EFCAB12: variants seen among roughly 807,000 people sequenced by gnomAD.
EFCAB12 encodes EF-hand calcium binding domain 12, also known as EF-hand calcium-binding domain-containing protein 12.
EFCAB12 carries 43 observed loss-of-function variants against 53.6 expected under a neutral mutation model. The ratio of observed to expected loss-of-function variants is 0.80; its 90% CI spans 0.63 to 1.03. The LOEUF (loss-of-function observed/expected upper bound fraction) is 1.03. Among genes scored for constraint, EFCAB12 ranks in the 50% least tolerant of loss-of-function variants. EFCAB12 has a pLI of 0.00. For missense variants in EFCAB12, 646 were observed against 730.6 expected, an observed-to-expected ratio of 0.88 and a Z score of 1.34; for synonymous variants, 269 against 289.2, an observed-to-expected ratio of 0.93 and a Z score of 0.71.
Position 129,418,345 on chromosome 3 carries a change from C to T in EFCAB12, c.590G>A (p.Arg197His), listed in dbSNP as rs62266958. 0.06 allele frequency: 97,507 copies of T among 1,613,530 alleles called. 3,462 individuals carry two copies. Among genetic ancestry groups the T allele is most frequent in the Non-Finnish European group, 0.07 (82,152 of 1,179,594 alleles). The change falls in exon 3 of 9, where the codon CGC becomes CAC. Residue 197 changes from arginine (R) to histidine (H), a missense_variant. Transcript: ENST00000505956. ...LSVMYSYLHS[R>H]KIKILEIFHK... Reference sequence around the variant, plus strand: ...AAATATCTCCAGGATCTTGATCTTGCGGCTATGCAGGTAGGAGTACATGAC... The same window carrying T: ...AAATATCTCCAGGATCTTGATCTTGTGGCTATGCAGGTAGGAGTACATGAC...
chr3:129,422,095 T>G (rs1400902310), intron 1 of EFCAB12, among the ~76,000 whole-genome samples: 1 of 152,196 alleles, frequency 6.6e-6, no homozygotes, highest in Non-Finnish European at 1.5e-5. Context: ...GATGCCAGTC[T>G]GATCTTGTGT....
intron 7 of EFCAB12, 172 bp downstream of exon 7, chr3:129,404,078 G>T: frequency 1.3e-6 from 1 of 769,952 alleles, no homozygotes; most frequent in Non-Finnish European, 2.0e-6. Context: ...CGCCAAGGGT[G>T]ACCCGGGACT....
rs750209078 is a variant in EFCAB12, at chr3:129,401,582, C to G, written c.*11G>C. The G allele has an allele frequency of 2.9e-5, 44 of 1,515,884 alleles. 1 individual carries two copies. The South Asian group carries it at 5.2e-4, about 18-fold the overall frequency. 93.9% of individuals were successfully genotyped at this position (1,515,884 alleles called of 1,614,324 possible). ...CCCAGGAAGGCTGGGTCCGGCAACA[C>G]CTGGCTAGCTCTAGTTGATGTAGTA... On this transcript the variant is annotated 3_prime_UTR_variant, in exon 9 of 9. Coordinates refer to ENST00000505956, the MANE Select transcript of EFCAB12 (RefSeq NM_207307.3).
chr3:129,401,718 A>C lies in EFCAB12; in HGVS notation c.1594T>G (p.Cys532Gly). 1 of 1,598,168 alleles carries C rather than the reference A, an allele frequency of 6.3e-7. No homozygotes were observed. ...ATDRSLALFS[C>G]VQHQPHVYPA... is the part of the protein sequence containing the mutation. ...TAGACATGGGGCTGGTGTTGAACAC[A>C]ACTGAAGAGCGCCAGGCTCCGGTCT... Residue 532 changes from cysteine (C) to glycine (G), a missense_variant, in exon 9 of 9, where the codon TGT becomes GGT. Cys to Gly is a radical substitution (Grantham distance 159). Coordinates refer to ENST00000505956, the MANE Select transcript of EFCAB12 (RefSeq NM_207307.3).
At position 129,421,526 on chromosome 3, in the gene EFCAB12, C is replaced by A. The variant is rs769861768; in HGVS notation, c.327G>T (p.Arg109Ser). The part of the protein sequence containing the change: ...PEDRKTWLSQ[R>S]SKLRQELESF... ...ACTCTAGCTCCTGCCGCAGCTTCGA[C>A]CTCTGGCTCAGCCAGGTCTTCCTGT... is the stretch of plus-strand genomic sequence containing the variant. Residue 109 changes from arginine (R) to serine (S), a missense_variant, in exon 2 of 9, where the codon AGG becomes AGT. Transcript: ENST00000505956. The A allele has an allele frequency of 6.2e-7, 1 of 1,614,054 alleles. No individual in the cohort carries two copies. Among genetic ancestry groups the A allele is most frequent in the Non-Finnish European group, 8.5e-7 (1 of 1,179,906 alleles).
chr3:129,408,042 T>G (rs1472735712), intron 6 of EFCAB12, among the ~76,000 whole-genome samples: 1 of 152,174 alleles, frequency 6.6e-6, no homozygotes, highest in Non-Finnish European at 1.5e-5. Context: ...AGAGACACAG[T>G]GGGCTCAGAC....
intron 7 of EFCAB12, 28 bp downstream of exon 7, chr3:129,404,222 C>G: frequency 6.2e-7 from 1 of 1,602,592 alleles, no homozygotes; most frequent in Non-Finnish European, 8.5e-7. Flanking sequence ...GAGGCCAAGG[C>G]AGGGAGAAAG....
At chr3:129,404,484 G>GTTTT in intron 6 of EFCAB12, 81 bp from the exon 7 acceptor site, 2 of 1,049,828 alleles carry the variant, frequency 1.9e-6, no homozygotes, top group Non-Finnish European at 2.5e-6. Context: ...CAGAGGAGGT[G>GTTTT]TTTTTTTTTT....
chr3:129,402,566 T>G lies in EFCAB12; in HGVS notation c.1417A>C (p.Lys473Gln), dbSNP rs943447708. 9.3e-6 allele frequency: 15 copies of G among 1,612,882 alleles called. No homozygotes were observed. The highest frequency in any genetic ancestry group is 1.3e-5 in the Non-Finnish European group (15 of 1,179,382). ...SKRTDKKTPK[K>Q]SKKMRFKEFE... is the part of the protein sequence containing the mutation. Reference sequence around the variant, plus strand: ...TCCTTAAAGCGCATTTTCTTGCTTTTCTTTGGCGTTTTCCTAGTGGAGAAG... The same window carrying G: ...TCCTTAAAGCGCATTTTCTTGCTTTGCTTTGGCGTTTTCCTAGTGGAGAAG... Residue 473 changes from lysine (K) to glutamine (Q), a missense_variant, in exon 8 of 9, where the codon AAA becomes CAA. Physicochemically the swap from Lys to Gln is moderately conservative, Grantham distance 53. Transcript: ENST00000505956.
chr3:129,404,080 C>G, intron 7 of EFCAB12, 170 bp downstream of exon 7: 2 of 801,292 alleles, frequency 2.5e-6, no homozygotes, highest in Non-Finnish European at 1.9e-6. Flanking sequence ...CCAAGGGTGA[C>G]CCGGGACTGG....
At chr3:129,417,698 A>C (rs932022536) in intron 3 of EFCAB12, among the ~76,000 whole-genome samples, 2 of 152,210 alleles carry the variant, frequency 1.3e-5, no homozygotes, top group African/African-American at 4.8e-5. Flanking sequence ...GGCTGGTGTG[A>C]TTGAAAGACT....
chr3:129,404,528 A>G, intron 6 of EFCAB12, 125 bp from the exon 7 acceptor site: 1 of 1,123,726 alleles, frequency 8.9e-7, no homozygotes, highest in Non-Finnish European at 1.2e-6. Context: ...TTTTCTTCTT[A>G]TCTATATAGT....
intron 6 of EFCAB12, among the ~76,000 whole-genome samples, chr3:129,407,817 G>C (rs958700704): frequency 2.0e-5 from 3 of 152,214 alleles, no homozygotes; most frequent in Non-Finnish European, 4.4e-5. Flanking sequence ...AGGAGGCCAA[G>C]GCAGGAGAAT....
intron 5 of EFCAB12, among the ~76,000 whole-genome samples, chr3:129,409,216 G>A (rs1043725729): frequency 6.6e-6 from 1 of 152,244 alleles, no homozygotes; most frequent in Non-Finnish European, 1.5e-5. Flanking sequence ...TCGGGAGGCC[G>A]AGGCAGGAGG....
chr3:129,417,746 A>T (rs2072136174), intron 3 of EFCAB12, among the ~76,000 whole-genome samples: 1 of 152,160 alleles, frequency 6.6e-6, no homozygotes, highest in Admixed American at 6.5e-5. Context: ...ATTAATAAAT[A>T]GCCAGTGAAA....
chr3:129,428,379 C>G lies in EFCAB12; in HGVS notation c.49+61G>C, dbSNP rs555092121. The G allele has an allele frequency of 5.8e-6, 9 of 1,560,440 alleles. No individual in the cohort carries two copies. In the East Asian group the frequency reaches 1.9e-4, roughly 33 times the overall value. On this transcript the variant is annotated intron_variant, in intron 1 of 8. Coordinates refer to ENST00000505956, the MANE Select transcript of EFCAB12 (RefSeq NM_207307.3). The stretch of plus-strand genomic sequence containing the variant: ...TGTGGCTGAGTTTTTGCCCTCACCC[C>G]ACTTTCACGCGTCCTTAGGGCGCTG...
At position 129,409,684 on chromosome 3, in the gene EFCAB12, T is replaced by C. The variant is rs2072005398; in HGVS notation, c.1036-826A>G. Among the ~76,000 whole-genome samples, 4 of 149,044 alleles carry C rather than the reference T, an allele frequency of 2.7e-5. No homozygotes were observed. In the South Asian group the frequency reaches 8.4e-4, roughly 31 times the overall value. On this transcript the variant is annotated intron_variant, in intron 5 of 8. Transcript: ENST00000505956. The stretch of plus-strand genomic sequence containing the variant: ...GAGCCAAATCTGGCCCACCAGCTGT[T>C]TTTATAAAGTTTTGTTGGAGCACAG...
At chr3:129,408,338 C>T (rs945270924) in intron 6 of EFCAB12, among the ~76,000 whole-genome samples, 3 of 152,194 alleles carry the variant, frequency 2.0e-5, no homozygotes, top group Admixed American at 2.0e-4. Context: ...AACTCCTGTC[C>T]TTGGAGCTTT....
chr3:129,404,891 C>T (rs892152916), intron 6 of EFCAB12, among the ~76,000 whole-genome samples: 2 of 152,194 alleles, frequency 1.3e-5, no homozygotes, highest in African/African-American at 2.4e-5. Flanking sequence ...TGGCTCACTG[C>T]AGCCTCAACT....
Sources: gnomAD v4.1 joint callset for allele counts (sites outside exome capture counted in the v4.1 genomes callset) on GRCh38, gnomAD v4.1.1 for gene constraint, MANE v1.5 for transcripts, NCBI Gene and HGNC (gene_info 2026-07-23, HGNC 2026-07-21) for gene names.